EPM2A: variants seen among roughly 807,000 people sequenced by gnomAD.
The protein encoded by EPM2A is EPM2A glucan phosphatase, laforin.
Under a neutral mutation model 26.5 loss-of-function variants are expected in EPM2A, and 21 were observed. The observed-to-expected ratio is 0.79, with a 90% CI of 0.56 to 1.14. The LOEUF (loss-of-function observed/expected upper bound fraction) is 1.14. EPM2A is among the 50% of genes most tolerant of loss of function. The pLI, the probability that EPM2A is intolerant of heterozygous loss-of-function variation, is 0.00. For missense variants in EPM2A, 458 were observed against 440.8 expected, an observed-to-expected ratio of 1.04 and a Z score of -0.35; for synonymous variants, 217 against 177.6, an observed-to-expected ratio of 1.22 and a Z score of -1.76.
At chr6:145,494,351 G>A (rs1312175599) in intron 4 of EPM2A, among the ~76,000 whole-genome samples, 1 of 152,060 alleles carries the variant, frequency 6.6e-6, no homozygotes, top group Non-Finnish European at 1.5e-5. Flanking sequence ...ATTTCTGATT[G>A]TGTTTATTTG....
At chr6:145,624,925 A>C (rs2128554489), downstream of EPM2A, among the ~76,000 whole-genome samples, 1 of 152,362 alleles carries the variant, frequency 6.6e-6, no homozygotes, top group South Asian at 2.1e-4. Flanking sequence ...TAGAAAGATA[A>C]TGTTTCAAGT....
chr6:145,453,356 A>G (rs1050905404), intron 4 of EPM2A, among the ~76,000 whole-genome samples: 2 of 152,198 alleles, frequency 1.3e-5, no homozygotes, highest in African/African-American at 4.8e-5. Context: ...TTCCACTCAG[A>G]TGATTCCCCA....
At chr6:145,425,489 G>A (rs1778843604) in intron 4 of EPM2A, among the ~76,000 whole-genome samples, 1 of 151,878 alleles carries the variant, frequency 6.6e-6, no homozygotes, top group South Asian at 2.1e-4. Flanking sequence ...GTCATTTTCT[G>A]AATTTCATGT....
chr6:145,597,184 G>A (rs6917199), intron 2 of EPM2A, among the ~76,000 whole-genome samples: 54,034 of 151,776 alleles, frequency 0.36, 10,133 homozygotes, highest in South Asian at 0.51. Context: ...GTGAGCCACC[G>A]CGCCCGGCCT....
chr6:145,490,315 C>T, intron 4 of EPM2A: 1 of 1,473,524 alleles, frequency 6.8e-7, no homozygotes, highest in South Asian at 1.3e-5. Context: ...AGCTGTTAAA[C>T]ACACTGTTGC....
At chr6:145,492,895 T>G (rs1018246371) in intron 4 of EPM2A, among the ~76,000 whole-genome samples, 6 of 152,148 alleles carry the variant, frequency 3.9e-5, no homozygotes, top group African/African-American at 1.4e-4. Flanking sequence ...AAAGGCAACA[T>G]TTGTTCAGGA....
intron 2 of EPM2A, among the ~76,000 whole-genome samples, chr6:145,557,082 C>G (rs1780736912): frequency 6.6e-6 from 1 of 152,108 alleles, no homozygotes; most frequent in Non-Finnish European, 1.5e-5. Context: ...GCATATTTCA[C>G]TATATACACA....
chr6:145,455,502 T>C (rs1465530538), intron 4 of EPM2A, among the ~76,000 whole-genome samples: 1 of 152,082 alleles, frequency 6.6e-6, no homozygotes, highest in Non-Finnish European at 1.5e-5. Context: ...GAATTACAGG[T>C]GCCCACCACC....
intron 2 of EPM2A, among the ~76,000 whole-genome samples, chr6:145,581,748 C>A (rs1781117429): frequency 6.6e-6 from 1 of 152,110 alleles, no homozygotes; most frequent in Non-Finnish European, 1.5e-5. Flanking sequence ...AATAGGGAGC[C>A]CTTTCCTCAT....
rs568132381 is a variant in EPM2A at position 145,486,644 on chromosome 6, T to C, written c.555+15878A>G. 1.8e-3 allele frequency among the ~76,000 whole-genome samples: 274 copies of C among 152,240 alleles called. 1 individual carries two copies. Among genetic ancestry groups the C allele is most frequent in the Non-Finnish European group, 2.1e-3 (145 of 68,020 alleles). Reference sequence around the variant, plus strand: ...ACCACGGTTTTATTGTGGTTCAGTGTGCTATCTTTATATATTTGACCCTAT... The same window carrying C: ...ACCACGGTTTTATTGTGGTTCAGTGCGCTATCTTTATATATTTGACCCTAT... On this transcript the variant is annotated intron_variant, in intron 4 of 4. Coordinates refer to the EPM2A transcript ENST00000638717.
At chr6:145,470,003 C>T (rs1197109579) in intron 4 of EPM2A, among the ~76,000 whole-genome samples, 1 of 151,944 alleles carries the variant, frequency 6.6e-6, no homozygotes, top group African/African-American at 2.4e-5. Flanking sequence ...GAGATTAGAA[C>T]TATGATTCCC....
intron 2 of EPM2A, among the ~76,000 whole-genome samples, chr6:145,556,542 G>A (rs1780730137): frequency 6.6e-6 from 1 of 152,118 alleles, no homozygotes; most frequent in African/African-American, 2.4e-5. Context: ...AGAGAAGGGA[G>A]AGAAACACTT....
chr6:145,647,807 T>C (rs1287189827), intron 2 of EPM2A, among the ~76,000 whole-genome samples: 1 of 152,216 alleles, frequency 6.6e-6, no homozygotes, highest in Non-Finnish European at 1.5e-5. Context: ...CTATCATCAA[T>C]TGAAAAGCAC....
chr6:145,718,579 A>T (rs1775773568), intron 1 of EPM2A, among the ~76,000 whole-genome samples: 1 of 152,182 alleles, frequency 6.6e-6, no homozygotes. Flanking sequence ...CATCTCTAAA[A>T]CACCAAAAGC....
At chr6:145,596,394 C>G (rs1343110003) in intron 2 of EPM2A, among the ~76,000 whole-genome samples, 1 of 152,086 alleles carries the variant, frequency 6.6e-6, no homozygotes, top group Non-Finnish European at 1.5e-5. Flanking sequence ...TACATATTGT[C>G]AATAATATTA....
chr6:145,414,743 G>A (rs1413607787), intron 4 of EPM2A, among the ~76,000 whole-genome samples: 1 of 152,006 alleles, frequency 6.6e-6, no homozygotes, highest in African/African-American at 2.4e-5. Context: ...CTCCTGGACA[G>A]CACTTTCCTC....
At chr6:145,487,753 C>T (rs1002025284) in intron 4 of EPM2A, among the ~76,000 whole-genome samples, 1 of 152,106 alleles carries the variant, frequency 6.6e-6, no homozygotes, top group Non-Finnish European at 1.5e-5. Flanking sequence ...AAAATTTTCT[C>T]CCATTCTGTA....
At chr6:145,557,702 G>T (rs886543922) in intron 2 of EPM2A, among the ~76,000 whole-genome samples, 1 of 152,048 alleles carries the variant, frequency 6.6e-6, no homozygotes, top group Admixed American at 6.6e-5. Context: ...AAGAAAATTA[G>T]CATATGTATA....
intron 2 of EPM2A, among the ~76,000 whole-genome samples, chr6:145,575,541 C>T (rs6938566): frequency 0.015 from 2,269 of 152,256 alleles, 63 homozygotes; most frequent in African/African-American, 0.051. Flanking sequence ...GAGATAGAAT[C>T]CCCAAGTTCA....
Sources: gnomAD v4.1 joint callset for allele counts (sites outside exome capture counted in the v4.1 genomes callset) on GRCh38, gnomAD v4.1.1 for gene constraint, MANE v1.5 for transcripts, NCBI Gene and HGNC (gene_info 2026-07-23, HGNC 2026-07-21) for gene names.